The following PROSER3 variants were observed in gnomAD, a reference collection of about 807,000 sequenced individuals.
PROSER3 encodes proline and serine-rich protein 3.
Under a neutral mutation model 50.2 loss-of-function variants are expected in PROSER3, and 33 were observed. The ratio of observed to expected loss-of-function variants is 0.66; its 90% CI spans 0.50 to 0.88. The LOEUF is 0.88. PROSER3 is among the 40% of genes least tolerant of loss of function. PROSER3 has a pLI of 0.00. For missense variants in PROSER3, 623 were observed against 612.7 expected (o/e 1.02, Z -0.18); for synonymous variants, 266 against 259.3 (o/e 1.03, Z -0.25).
At chr19:35,768,125 T>C (rs1251789826) in intron 9 of PROSER3, 30 bp from the exon 10 acceptor site, 2 of 1,608,376 alleles carry the variant, frequency 1.2e-6, no homozygotes, top group Non-Finnish European at 8.5e-7. Context: ...GGCCGGCCCC[T>C]TGGAGCTCAT....
intron 3 of PROSER3, among the ~76,000 whole-genome samples, chr19:35,760,392 C>T (rs2146561675): frequency 6.6e-6 from 1 of 152,232 alleles, no homozygotes; most frequent in South Asian, 2.1e-4. Context: ...AACCTCCCAC[C>T]TTGGCCTCCA....
chr19:35,768,479 G>A (rs1400317869), exon 11 of PROSER3: 2 of 1,598,094 alleles, frequency 1.3e-6, no homozygotes, highest in East Asian at 2.2e-5. Context: ...CAGCCGGGTC[G>A]CCCCCTAGGT....
intron 2 of PROSER3, 134 bp from the exon 3 acceptor site, chr19:35,759,654 TC>T (rs762393535): frequency 4.1e-5 from 42 of 1,022,578 alleles, no homozygotes; most frequent in Non-Finnish European, 5.9e-5. Context: ...TGAGCCCCCA[TC>T]ACACTAGGTT....
chr19:35,765,294 A>T, intron 7 of PROSER3, 118 bp downstream of exon 7: 1 of 1,282,518 alleles, frequency 7.8e-7, no homozygotes, highest in Non-Finnish European at 1.1e-6. Flanking sequence ...TAAAACAGGG[A>T]TAAGGCCAGA....
intron 10 of PROSER3, 71 bp downstream of exon 10, chr19:35,768,307 C>T: frequency 6.3e-7 from 1 of 1,579,898 alleles, no homozygotes; most frequent in Non-Finnish European, 8.6e-7. Context: ...GTTAGGCATC[C>T]AGCCCTCCTC....
Position 35,768,666 on chromosome 19 carries a change from C to A in PROSER3, c.*121C>A, listed in dbSNP as rs1022390706. The A allele has an allele frequency of 1.8e-5, 23 of 1,274,674 alleles. No individual in the cohort carries two copies. The African/African-American group carries it at 2.4e-4, about 14-fold the overall frequency. The allele number at this position is 1,274,674 out of a possible 1,614,324, so 79.0% of individuals were successfully genotyped here. ...GGGGTCATGCCAATTTAAGGAAATGCCCCCCATCCTCCGCTGCCCCATGGC... is the reference window on the plus strand; with the variant it reads ...GGGGTCATGCCAATTTAAGGAAATGACCCCCATCCTCCGCTGCCCCATGGC... On this transcript the variant is annotated 3_prime_UTR_variant, in exon 11 of 11. Transcript: ENST00000396908.
chr19:35,759,509 G>A, intron 2 of PROSER3, 39 bp downstream of exon 2: 2 of 1,536,856 alleles, frequency 1.3e-6, no homozygotes, highest in Non-Finnish European at 1.8e-6. Flanking sequence ...TGCCAGCCCA[G>A]TAGCAAGAGA....
exon 11 of PROSER3, chr19:35,768,638 C>T: frequency 1.4e-6 from 2 of 1,448,194 alleles, no homozygotes; most frequent in South Asian, 2.9e-5. Context: ...TTGGAAAGGC[C>T]AAGGGGTCAT....
intron 7 of PROSER3, among the ~76,000 whole-genome samples, chr19:35,765,895 A>G (rs1971125337): frequency 6.6e-6 from 1 of 152,248 alleles, no homozygotes; most frequent in African/African-American, 2.4e-5. Context: ...GATCTGATGG[A>G]TGTGAGAGAA....
At chr19:35,759,936 A>C in exon 3 of PROSER3, 1 of 1,607,318 alleles carries the variant, frequency 6.2e-7, no homozygotes, top group South Asian at 1.1e-5. Flanking sequence ...TGAGGGACAG[A>C]TGTGGGCCTC....
intron 3 of PROSER3, among the ~76,000 whole-genome samples, chr19:35,761,617 C>T (rs1352228115): frequency 2.6e-5 from 4 of 152,208 alleles, no homozygotes; most frequent in South Asian, 2.1e-4. Flanking sequence ...GCCAAGATCA[C>T]GCCATTGCAC....
intron 5 of PROSER3, chr19:35,762,982 A>G (rs577503238): frequency 2.0e-5 from 3 of 150,436 alleles, no homozygotes; most frequent in African/African-American, 7.3e-5. Context: ...CAGTGAGCCA[A>G]GATAGCGCCA....
In PROSER3 at chr19:35,766,505, C is replaced by T. The variant is rs115656359; in HGVS notation, c.770-263C>T. On this transcript the variant is annotated intron_variant, in intron 7 of 10. Transcript: ENST00000396908. ...AGACTGCAGTGATCGCACCACTGCC[C>T]TCCAGCCTGGGTGACAGAACAAGAC... 3.8e-3 allele frequency among the ~76,000 whole-genome samples: 571 copies of T among 152,244 alleles called. 6 individuals are homozygous for T. The highest frequency in any genetic ancestry group is 0.013 in the African/African-American group (552 of 41,522).
chr19:35,758,250 G>T, intron 1 of PROSER3, 24 bp downstream of exon 1: 1 of 1,561,162 alleles, frequency 6.4e-7, no homozygotes, highest in Non-Finnish European at 8.7e-7. Context: ...CTCTTCCAGG[G>T]ACTACAGGAG....
rs145311015 is a variant in PROSER3, at chr19:35,759,878, G to T, written c.198G>T (p.Glu66Asp). 42 of 1,589,712 alleles carry T rather than the reference G, an allele frequency of 2.6e-5. No homozygotes were observed. In the African/African-American group the frequency reaches 5.6e-4, roughly 21 times the overall value. Residue 66 changes from glutamate to aspartate, a missense_variant, in exon 3 of 11, where the codon GAG becomes GAT. Glu to Asp is a conservative substitution (Grantham distance 45, BLOSUM62 2). Transcript: ENST00000396908. ...GTCCCAACTCCCCTGAGCTGTTTGA[G>T]GAGTCCTGGCCATCCAGTTCAGGGA...
At position 35,767,070 on chromosome 19, in the gene PROSER3, A is replaced by T; in HGVS notation, c.957+115A>T. The stretch of plus-strand genomic sequence containing the variant: ...TCTCAGATCTCTCTTATCTGTCTAC[A>T]GACCTCTCCTGCTCCAGTGGAGACC... On this transcript the variant is annotated intron_variant, in intron 8 of 10. Transcript: ENST00000396908. 2.3e-6 allele frequency: 3 copies of T among 1,291,746 alleles called. 1 individual carries two copies. The South Asian group carries it at 4.6e-5, about 20-fold the overall frequency. 80.0% of individuals were successfully genotyped at this position (1,291,746 alleles called of 1,614,324 possible).
chr19:35,768,015 C>A (rs759729312), exon 9 of PROSER3: 2 of 1,585,358 alleles, frequency 1.3e-6, no homozygotes, highest in African/African-American at 1.3e-5. Flanking sequence ...GACCACGCCC[C>A]CTCGGAGGCC....
At chr19:35,758,214 G>C in exon 1 of PROSER3, 5 of 1,562,254 alleles carry the variant, frequency 3.2e-6, no homozygotes, top group Non-Finnish European at 4.3e-6. Context: ...GGGAGCCGCG[G>C]GATGGACCGC....
At position 35,760,006 on chromosome 19, in the gene PROSER3, C is replaced by A; in HGVS notation, c.311+15C>A. On this transcript the variant is annotated intron_variant, in intron 3 of 10. Coordinates refer to ENST00000396908, the Ensembl canonical transcript of PROSER3. ...GTGGTGGCCAAGTAAGTACCAGCAG[C>A]CCTGGGGGAAAAAGAGGCTTTGGGT... 1 of 1,548,248 alleles carries A rather than the reference C, an allele frequency of 6.5e-7. No homozygotes were observed. Among genetic ancestry groups the A allele is most frequent in the African/African-American group, 1.4e-5 (1 of 72,774 alleles).
Sources: gnomAD v4.1 joint callset for allele counts (sites outside exome capture counted in the v4.1 genomes callset) on GRCh38, gnomAD v4.1.1 for gene constraint, MANE v1.5 for transcripts, NCBI Gene and HGNC (gene_info 2026-07-23, HGNC 2026-07-21) for gene names.